PCSK6: variants seen among roughly 807,000 people sequenced by gnomAD.
PCSK6 encodes paired basic amino acid cleaving enzyme 4.
Under a neutral mutation model 123.3 loss-of-function variants are expected in PCSK6, and 85 were observed. The ratio of observed to expected loss-of-function variants is 0.69; its 90% CI spans 0.58 to 0.83. PCSK6 has a LOEUF of 0.83. Among genes scored for constraint, PCSK6 ranks in the 40% least tolerant of loss-of-function variants. PCSK6 has a pLI of 0.00. For synonymous variants in PCSK6, 508 were observed against 516.0 expected (o/e 0.98, Z 0.21); for missense variants, 1,191 against 1,282.3 (o/e 0.93, Z 1.09).
At chr15:101,460,173 C>G (rs1053010168) in intron 1 of PCSK6, among the ~76,000 whole-genome samples, 9 of 152,138 alleles carry the variant, frequency 5.9e-5, no homozygotes, top group African/African-American at 2.2e-4. Context: ...CCCAACCCCA[C>G]CCCTCCGTGT....
chr15:101,420,398 G>A (rs1203006356), intron 6 of PCSK6, among the ~76,000 whole-genome samples: 2 of 152,118 alleles, frequency 1.3e-5, no homozygotes, highest in African/African-American at 4.8e-5. Context: ...GTCTCACTCT[G>A]TCACCCAGCT....
intron 1 of PCSK6, among the ~76,000 whole-genome samples, chr15:101,488,225 G>C (rs2058065506): frequency 6.6e-6 from 1 of 152,170 alleles, no homozygotes; most frequent in Admixed American, 6.5e-5. Flanking sequence ...GTTATGAGTC[G>C]GTGCTTCCCT....
chr15:101,357,056 T>C (rs976466890), intron 13 of PCSK6, among the ~76,000 whole-genome samples: 3 of 152,236 alleles, frequency 2.0e-5, no homozygotes, highest in African/African-American at 7.2e-5. Flanking sequence ...CAGAACACCA[T>C]TGGAGCAGTT....
chr15:101,409,574 G>C (rs1401086740), intron 6 of PCSK6, among the ~76,000 whole-genome samples: 2 of 127,066 alleles, frequency 1.6e-5, no homozygotes, highest in African/African-American at 6.9e-5. Context: ...GACAGAGTAA[G>C]ACTCCGTCTC....
rs141697890 is a variant in PCSK6 at position 101,330,160 on chromosome 15, C to T, written c.2077+1491G>A. Among the ~76,000 whole-genome samples, 843 of 152,316 alleles carry T rather than the reference C, an allele frequency of 5.5e-3. 11 individuals carry two copies. Among genetic ancestry groups the T allele is most frequent in the African/African-American group, 0.019 (792 of 41,568 alleles). On this transcript the variant is annotated intron_variant, in intron 15 of 21. Coordinates refer to ENST00000611716, the MANE Select transcript of PCSK6 (RefSeq NM_002570.5). Reference sequence around the variant, plus strand: ...CCACAGCACTGACATCTTCCTTGTGCCCCACGCTGCCCACTGCAGCTGCTG... The same window carrying T: ...CCACAGCACTGACATCTTCCTTGTGTCCCACGCTGCCCACTGCAGCTGCTG...
chr15:101,377,046 C>T (rs1274704890), intron 11 of PCSK6, among the ~76,000 whole-genome samples: 3 of 152,236 alleles, frequency 2.0e-5, no homozygotes, highest in Non-Finnish European at 2.9e-5. Context: ...CTCTTGGCTT[C>T]CTAAAAAGAC....
At chr15:101,457,332 T>C (rs1416306369) in intron 1 of PCSK6, among the ~76,000 whole-genome samples, 3 of 152,210 alleles carry the variant, frequency 2.0e-5, no homozygotes, top group Non-Finnish European at 4.4e-5. Context: ...CTCTTCAGCT[T>C]CCCTTTCCAT....
In PCSK6 at chr15:101,392,593, C is replaced by CTTTTTTTTTTTTT. The variant is rs10525638; in HGVS notation, c.1209+606_1209+618dup. Among the ~76,000 whole-genome samples the CTTTTTTTTTTTTT allele has an allele frequency of 5.2e-3, 631 of 122,226 alleles. 43 individuals carry two copies. Among genetic ancestry groups the CTTTTTTTTTTTTT allele is most frequent in the African/African-American group, 0.019 (572 of 30,336 alleles). 80.2% of individuals were successfully genotyped at this position (122,226 alleles called of 152,430 possible). On this transcript the variant is annotated intron_variant, in intron 8 of 21. Coordinates refer to ENST00000611716, the MANE Select transcript of PCSK6 (RefSeq NM_002570.5). ...TTTGAACTGGAAACCCTCCCTTCCT[C>CTTTTTTTTTTTTT]TTTTTTTTTTTTTTTTTAAGTAGGA...
At chr15:101,456,559 G>A (rs531137843) in intron 1 of PCSK6, among the ~76,000 whole-genome samples, 2 of 152,342 alleles carry the variant, frequency 1.3e-5, no homozygotes, top group African/African-American at 4.8e-5. Context: ...ATCCAGGGGA[G>A]AGGCTGACAG....
intron 2 of PCSK6, among the ~76,000 whole-genome samples, chr15:101,437,903 T>C (rs2056647497): frequency 6.6e-6 from 1 of 152,040 alleles, no homozygotes; most frequent in Non-Finnish European, 1.5e-5. Flanking sequence ...GCTCAGAACG[T>C]GACTGTAATG....
rs376291078 is a variant in PCSK6, at chr15:101,431,436, G to A, written c.541C>T (p.Arg181Trp). ...GCTGCCTGGACATTCATTTCCGACCGGCAGCGACTGTTCTTGTCGCCACAA... is the reference window on the plus strand; with the variant it reads ...GCTGCCTGGACATTCATTTCCGACCAGCAGCGACTGTTCTTGTCGCCACAA... Reference protein sequence around the residue: ...LHCGDKNSRCRSEMNVQAAWK... With the variant: ...LHCGDKNSRCWSEMNVQAAWK... The change falls in exon 4 of 22, where the codon CGG (arginine) becomes TGG (tryptophan). Residue 181 changes from arginine to tryptophan, a missense_variant. Transcript: ENST00000611716. 2.5e-6 allele frequency: 4 copies of A among 1,613,686 alleles called. No individual in the cohort carries two copies. In the Admixed American group the frequency reaches 6.7e-5, roughly 27 times the overall value.
At chr15:101,313,580 C>T (rs1471019407) in intron 19 of PCSK6, 75 bp from the exon 20 acceptor site, 2 of 1,526,326 alleles carry the variant, frequency 1.3e-6, no homozygotes, top group African/African-American at 1.4e-5. Context: ...GCTTCAGGGC[C>T]TTGTGAGATC....
Position 101,311,636 on chromosome 15 carries a change from T to G in PCSK6, c.2699+1740A>C, listed in dbSNP as rs78002173. ...TGAAAGCAGGCTAACGCCTGGTACTTCCCTCACAGCTCACCCCATCGTCAC... is the reference window on the plus strand; with the variant it reads ...TGAAAGCAGGCTAACGCCTGGTACTGCCCTCACAGCTCACCCCATCGTCAC... On this transcript the variant is annotated intron_variant, in intron 20 of 21. Transcript: ENST00000611716. Among the ~76,000 whole-genome samples, 940 of 146,982 alleles carry G rather than the reference T, an allele frequency of 6.4e-3. 83 individuals carry two copies. In the East Asian group the frequency reaches 0.088, roughly 14 times the overall value.
intron 21 of PCSK6, among the ~76,000 whole-genome samples, chr15:101,306,919 G>C (rs1322038824): frequency 6.6e-6 from 1 of 152,226 alleles, no homozygotes; most frequent in African/African-American, 2.4e-5. Context: ...CCTATGGCAT[G>C]GCAGTGGGAC....
At position 101,384,400 on chromosome 15, in the gene PCSK6, G is replaced by A. The variant is rs2042000409; in HGVS notation, c.1336C>T (p.Gln446Ter). 1.2e-6 allele frequency: 2 copies of A among 1,613,774 alleles called. No individual in the cohort carries two copies. Among genetic ancestry groups the A allele is most frequent in the African/African-American group, 1.3e-5 (1 of 75,028 alleles). The change falls in exon 10 of 22, where the codon CAG (glutamine) becomes TAG (stop). Residue 446 changes from glutamine (Q) to a stop codon, truncating the protein, a stop_gained. Transcript: ENST00000611716. LOFTEE classifies it high-confidence loss of function. ...ANSQLTWRDV[Q>*]HLLVKTSRPA... is the part of the protein sequence containing the mutation. ...CGGGATGTCTTCACTAGCAGGTGCT[G>A]GACGTCCCTCCAGGTTAACTGGCTG...
chr15:101,327,990 G>T (rs1280873117), intron 15 of PCSK6, among the ~76,000 whole-genome samples: 2 of 152,316 alleles, frequency 1.3e-5, no homozygotes, highest in East Asian at 3.9e-4. Flanking sequence ...GCTCCAGAGG[G>T]TTTACTATAA....
intron 11 of PCSK6, among the ~76,000 whole-genome samples, chr15:101,378,876 A>G (rs1432243477): frequency 6.6e-6 from 1 of 152,224 alleles, no homozygotes; most frequent in African/African-American, 2.4e-5. Flanking sequence ...CAAATGACGG[A>G]GCTGCCTCCT....
At chr15:101,407,838 C>G (rs931109791) in intron 6 of PCSK6, among the ~76,000 whole-genome samples, 2 of 152,240 alleles carry the variant, frequency 1.3e-5, no homozygotes, top group African/African-American at 4.8e-5. Context: ...CAGTGGTCTC[C>G]TCATCTGCTG....
intron 19 of PCSK6, among the ~76,000 whole-genome samples, chr15:101,314,577 G>C (rs560619922): frequency 6.6e-6 from 1 of 152,192 alleles, no homozygotes; most frequent in Non-Finnish European, 1.5e-5. Context: ...CAGAGGTTCC[G>C]GAGCCTGGAG....
Sources: gnomAD v4.1 joint callset for allele counts (sites outside exome capture counted in the v4.1 genomes callset) on GRCh38, gnomAD v4.1.1 for gene constraint, MANE v1.5 for transcripts, NCBI Gene and HGNC (gene_info 2026-07-23, HGNC 2026-07-21) for gene names.